The following NBAS variants were observed in gnomAD, a reference collection of about 807,000 sequenced individuals.
The protein encoded by NBAS is NBAS subunit of NRZ tethering complex, also known as NAG/BC035112 fusion.
Under a neutral mutation model 302.5 loss-of-function variants are expected in NBAS, and 219 were observed. The observed-to-expected ratio is 0.72, with a 90% CI of 0.65 to 0.81. The LOEUF (loss-of-function observed/expected upper bound fraction) is 0.81, where lower values mean the gene tolerates loss of function less well. Among genes scored for constraint, NBAS ranks in the 30% least tolerant of loss-of-function variants. The probability of loss-of-function intolerance (pLI) is 0.00; values close to 1 mark genes in which losing one functional copy is unlikely to be tolerated. For missense variants in NBAS, 2,932 were observed against 2,841.6 expected (o/e 1.03, Z -0.72); for synonymous variants, 1,118 against 1,021.6 (o/e 1.09, Z -1.80).
At chr2:14,966,793 T>G in the NBAS span, among the ~76,000 whole-genome samples, 1 of 152,060 alleles carries the variant, frequency 6.6e-6, no homozygotes, top group South Asian at 2.1e-4. Context: ...TCAGAAGTCC[T>G]CTTTAGGGCA....
the NBAS span, among the ~76,000 whole-genome samples, chr2:15,131,599 T>C: frequency 1.3e-5 from 2 of 152,172 alleles, no homozygotes; most frequent in Admixed American, 1.3e-4. Context: ...TTTTTTAAAA[T>C]TTTATTATTA....
intron 50 of NBAS, among the ~76,000 whole-genome samples, chr2:15,183,728 T>C (rs1002977338): frequency 1.3e-5 from 2 of 152,224 alleles, no homozygotes; most frequent in Non-Finnish European, 2.9e-5. Context: ...TCTGTTCTAC[T>C]ATGTATGATG....
intron 49 of NBAS, among the ~76,000 whole-genome samples, chr2:15,189,666 C>T (rs559846905): frequency 6.6e-6 from 1 of 152,128 alleles, no homozygotes; most frequent in Non-Finnish European, 1.5e-5. Flanking sequence ...CACGCAGCTA[C>T]GGGTGGCAGC....
the NBAS span, among the ~76,000 whole-genome samples, chr2:14,961,528 C>T: frequency 6.6e-6 from 1 of 152,136 alleles, no homozygotes; most frequent in African/African-American, 2.4e-5. Flanking sequence ...AAACCCTCAG[C>T]AGATGCAGAT....
chr2:15,024,890 A>T, the NBAS span, among the ~76,000 whole-genome samples: 1 of 152,190 alleles, frequency 6.6e-6, no homozygotes, highest in African/African-American at 2.4e-5. Context: ...CAGTTTGCAA[A>T]TATTATCTCC....
chr2:15,048,089 A>G, the NBAS span, among the ~76,000 whole-genome samples: 8 of 152,208 alleles, frequency 5.3e-5, no homozygotes. Flanking sequence ...AGCAGGGAGA[A>G]AAACAGACAT....
At chr2:15,327,669 T>G in intron 38 of NBAS, 81 bp downstream of exon 38, 3 of 1,553,442 alleles carry the variant, frequency 1.9e-6, no homozygotes. Context: ...TTTTCCAAAC[T>G]CTTGTTCATT....
the NBAS span, among the ~76,000 whole-genome samples, chr2:14,848,224 C>T: frequency 6.6e-6 from 1 of 151,316 alleles, no homozygotes; most frequent in African/African-American, 2.5e-5. Flanking sequence ...GGTGCGCGCA[C>T]CATGCGAGAG....
the NBAS span, among the ~76,000 whole-genome samples, chr2:15,001,252 T>TAG: frequency 6.6e-6 from 1 of 151,874 alleles, no homozygotes; most frequent in Non-Finnish European, 1.5e-5. Flanking sequence ...TATACACATA[T>TAG]AGAGAGAGAG....
At chr2:15,397,659 A>C (rs972744804) in intron 26 of NBAS, 8 of 550,872 alleles carry the variant, frequency 1.5e-5, no homozygotes, top group African/African-American at 1.3e-4. Flanking sequence ...ACTATGTTTC[A>C]AATGACGAAT....
chr2:14,801,977 G>A, the NBAS span, among the ~76,000 whole-genome samples: 1 of 143,468 alleles, frequency 7.0e-6, no homozygotes, highest in Admixed American at 7.1e-5. Flanking sequence ...TAGGTTGCCT[G>A]TTCACTCTGA....
At chr2:15,237,937 G>T (rs1393177449) in intron 45 of NBAS, among the ~76,000 whole-genome samples, 1 of 152,166 alleles carries the variant, frequency 6.6e-6, no homozygotes, top group East Asian at 1.9e-4. Context: ...ATTGGGCCTG[G>T]CTAATTTTTT....
At chr2:15,013,782 C>A in the NBAS span, among the ~76,000 whole-genome samples, 1 of 151,914 alleles carries the variant, frequency 6.6e-6, no homozygotes, top group Non-Finnish European at 1.5e-5. Context: ...CAGACTCCAC[C>A]TCAAAAATTA....
At chr2:15,144,048 A>ATATATATATATATATATATAT in the NBAS span, among the ~76,000 whole-genome samples, 2 of 113,824 alleles carry the variant, frequency 1.8e-5, no homozygotes, top group African/African-American at 3.8e-5. Flanking sequence ...TATATATAAA[A>ATATATATATATATATATATAT]ATATATATAT....
chr2:15,096,678 A>T, the NBAS span, among the ~76,000 whole-genome samples: 1 of 152,140 alleles, frequency 6.6e-6, no homozygotes. Context: ...CTATGACACC[A>T]AGGAGCAGGC....
chr2:15,470,788 C>T (rs1475687464), intron 16 of NBAS, among the ~76,000 whole-genome samples: 2 of 152,066 alleles, frequency 1.3e-5, no homozygotes, highest in Non-Finnish European at 2.9e-5. Context: ...GGTGAACCCC[C>T]GTCTCTACTA....
the NBAS span, among the ~76,000 whole-genome samples, chr2:14,934,583 C>T: frequency 6.6e-6 from 1 of 152,174 alleles, no homozygotes; most frequent in East Asian, 1.9e-4. Context: ...AATGAAACCA[C>T]TTTCCATTTC....
the NBAS span, among the ~76,000 whole-genome samples, chr2:14,971,860 T>C: frequency 9.2e-5 from 14 of 152,170 alleles, no homozygotes; most frequent in African/African-American, 3.4e-4. Context: ...ATACTAAATT[T>C]TCAAATACCA....
chr2:15,341,044 AT>A (rs1672825159), intron 35 of NBAS, among the ~76,000 whole-genome samples: 1 of 152,164 alleles, frequency 6.6e-6, no homozygotes, highest in Non-Finnish European at 1.5e-5. Context: ...AGAGTGGTAC[AT>A]TTTAGACCCT....
Sources: allele counts gnomAD v4.1 joint callset (sites outside exome capture counted in the v4.1 genomes callset), GRCh38; gene constraint gnomAD v4.1.1; transcripts MANE v1.5; gene names NCBI Gene and HGNC (gene_info 2026-07-23, HGNC 2026-07-21).